Variants in NAV2 observed in about 807,000 individuals in gnomAD.
The protein encoded by NAV2 is neuron navigator 2.
A neutral mutation model predicts 223.2 loss-of-function variants in NAV2; 54 were observed. That is an observed-to-expected ratio of 0.24 (90% CI 0.19 to 0.30). NAV2 has a LOEUF of 0.30. Among genes scored for constraint, NAV2 ranks in the 10% least tolerant of loss-of-function variants. The pLI, the probability that NAV2 is intolerant of heterozygous loss-of-function variation, is 1.00. For missense variants in NAV2, 2,806 were observed against 3,147.5 expected, an observed-to-expected ratio of 0.89 and a Z score of 2.60; for synonymous variants, 1,279 against 1,239.3, an observed-to-expected ratio of 1.03 and a Z score of -0.67.
chr11:19,687,086 ACT>A (rs1164967557), intron 1 of NAV2, among the ~76,000 whole-genome samples: 1 of 152,084 alleles, frequency 6.6e-6, no homozygotes, highest in Non-Finnish European at 1.5e-5. Flanking sequence ...GGACCTGCTG[ACT>A]CTGTTATTCT....
chr11:20,082,914 G>A lies in NAV2; in HGVS notation c.5326-93G>A, dbSNP rs182685702. On this transcript the variant is annotated intron_variant, in intron 25 of 37. Transcript: ENST00000349880. ...CATTGGTGGGGGGAAAAACATGGGAGAATTAATCGCTTTTTTGTGTGCATG... is the reference window on the plus strand; with the variant it reads ...CATTGGTGGGGGGAAAAACATGGGAAAATTAATCGCTTTTTTGTGTGCATG... The A allele has an allele frequency of 7.2e-5, 87 of 1,213,750 alleles. No individual in the cohort carries two copies. The Middle Eastern group carries it at 1.6e-3, about 23-fold the overall frequency. The allele number at this position is 1,213,750 out of a possible 1,614,324, so 75.2% of individuals were successfully genotyped here.
intron 1 of NAV2, among the ~76,000 whole-genome samples, chr11:19,677,474 C>G (rs1157615829): frequency 1.3e-5 from 2 of 152,250 alleles, no homozygotes; most frequent in Non-Finnish European, 2.9e-5. Flanking sequence ...CCTCATTTTA[C>G]AGAGGAGGAG....
At chr11:19,971,177 C>T (rs1017678974) in intron 10 of NAV2, among the ~76,000 whole-genome samples, 4 of 151,986 alleles carry the variant, frequency 2.6e-5, no homozygotes, top group East Asian at 1.9e-4. Context: ...CCCACAGGCA[C>T]GTTTTTGAGT....
In NAV2 at chr11:19,948,871, G is replaced by A; in HGVS notation, c.2436G>A (p.Arg812=). The change falls in exon 10 of 38, where the codon AGG becomes AGA. Residue 812 remains arginine, a synonymous_variant. Coordinates refer to ENST00000349880, the MANE Select transcript of NAV2 (RefSeq NM_145117.5). ...NGYPPRANAS[R]FINTESGRYV... ...ATCCCCCTCGAGCCAACGCCAGCAG[G>A]TTCATCAACACTGAGTCAGGTCGCT... 1 of 1,614,078 alleles carries A rather than the reference G, an allele frequency of 6.2e-7. No homozygotes were observed. Among genetic ancestry groups the A allele is most frequent in the South Asian group, 1.1e-5 (1 of 91,082 alleles).
intron 1 of NAV2, among the ~76,000 whole-genome samples, chr11:19,645,820 C>T (rs186248469): frequency 2.5e-4 from 38 of 152,148 alleles, no homozygotes; most frequent in Admixed American, 2.2e-3. Context: ...ATCACCACAA[C>T]GCTGGTTGGA....
At chr11:19,729,389 G>T (rs2051539747) in intron 1 of NAV2, among the ~76,000 whole-genome samples, 1 of 152,178 alleles carries the variant, frequency 6.6e-6, no homozygotes, top group African/African-American at 2.4e-5. Context: ...ATTGGCAGGA[G>T]ATGCCAGGTT....
intron 10 of NAV2, among the ~76,000 whole-genome samples, chr11:19,970,092 T>A (rs898017499): frequency 6.6e-6 from 1 of 152,228 alleles, no homozygotes; most frequent in Non-Finnish European, 1.5e-5. Context: ...ACTCACCCAA[T>A]GTGAGACCAC....
At chr11:19,906,903 C>A (rs759420088) in intron 6 of NAV2, among the ~76,000 whole-genome samples, 1 of 152,176 alleles carries the variant, frequency 6.6e-6, no homozygotes. Flanking sequence ...TTTCCCACAC[C>A]AACTGGCAAA....
At chr11:19,631,714 G>A (rs2047352042) in intron 1 of NAV2, among the ~76,000 whole-genome samples, 1 of 152,200 alleles carries the variant, frequency 6.6e-6, no homozygotes, top group Admixed American at 6.5e-5. Flanking sequence ...GCACCTAGAA[G>A]GCACCCTCTG....
At chr11:19,794,698 G>C (rs1299922696) in intron 1 of NAV2, among the ~76,000 whole-genome samples, 2 of 152,112 alleles carry the variant, frequency 1.3e-5, no homozygotes, top group African/African-American at 2.4e-5. Flanking sequence ...ATGGGTTTAG[G>C]GGGAGGGACC....
intron 1 of NAV2, among the ~76,000 whole-genome samples, chr11:19,632,048 C>T (rs554649588): frequency 6.6e-6 from 1 of 152,248 alleles, no homozygotes; most frequent in Non-Finnish European, 1.5e-5. Flanking sequence ...GGGAACATGC[C>T]TGTTGGCAGG....
At position 20,048,968 on chromosome 11, in the gene NAV2, C is replaced by T. The variant is rs2057722235; in HGVS notation, c.4143C>T (p.Ser1381=). The change falls in exon 15 of 38, where the codon AGC becomes AGT. Residue 1381 remains serine, a synonymous_variant. Transcript: ENST00000349880. ...CAGCCCACTCGGCCCCTTCCAACAG[C>T]CTCACCTGGGGCACCAACGCCAGCA... ...PSSAHSAPSN[S]LTWGTNASSS... The T allele has an allele frequency of 1.2e-6, 2 of 1,614,074 alleles. No homozygotes were observed. Among genetic ancestry groups the T allele is most frequent in the Non-Finnish European group, 1.7e-6 (2 of 1,180,044 alleles).
chr11:19,933,923 C>G lies in NAV2; in HGVS notation c.1679C>G (p.Ser560Cys). 1.3e-6 allele frequency: 2 copies of G among 1,589,314 alleles called. No individual in the cohort carries two copies. The highest frequency in any genetic ancestry group is 1.7e-6 in the Non-Finnish European group (2 of 1,170,780). Residue 560 changes from serine to cysteine, a missense_variant, in exon 7 of 38, where the codon TCC becomes TGC. Ser to Cys is a moderately radical substitution (Grantham distance 112, BLOSUM62 -1). Transcript: ENST00000349880. This position sits in a 1 kb window ranked among gnomAD's most constrained non-coding sequence, Gnocchi z 4.3. ...GCCAAGAAGGAGCCCATGGCCCCTT[C>G]CCACAGTGGAATACCAAAACCAGGA... The part of the protein sequence containing the change: ...NSAKKEPMAP[S>C]HSGIPKPGMK...
chr11:19,470,581 A>G (rs2041932790), intron 1 of NAV2, among the ~76,000 whole-genome samples: 1 of 152,192 alleles, frequency 6.6e-6, no homozygotes. Context: ...TTCCCATGAC[A>G]ATGACAATAA....
chr11:20,050,591 A>C (rs965905291), intron 16 of NAV2, among the ~76,000 whole-genome samples: 2 of 151,002 alleles, frequency 1.3e-5, no homozygotes, highest in Non-Finnish European at 1.5e-5. Flanking sequence ...AAAAAAAAAA[A>C]CCTTCACCCC....
chr11:19,966,890 T>C (rs1476409386), intron 10 of NAV2, among the ~76,000 whole-genome samples: 1 of 152,148 alleles, frequency 6.6e-6, no homozygotes, highest in Non-Finnish European at 1.5e-5. Flanking sequence ...CTACCAGACC[T>C]GTTGTGTATG....
chr11:19,687,953 G>T (rs181296733), intron 1 of NAV2, among the ~76,000 whole-genome samples: 96 of 152,296 alleles, frequency 6.3e-4, no homozygotes, highest in Non-Finnish European at 7.1e-4. Flanking sequence ...GAGCCCCTGT[G>T]CCCTAGCGCT....
chr11:19,571,001 GTGTTCA>G (rs1381064738), intron 1 of NAV2, among the ~76,000 whole-genome samples: 4 of 152,214 alleles, frequency 2.6e-5, no homozygotes, highest in Non-Finnish European at 5.9e-5. Flanking sequence ...CATAGCAGCA[GTGTTCA>G]TTATAGCCAA....
Position 19,353,020 on chromosome 11 carries a change from C to T in NAV2, c.75+1993C>T, listed in dbSNP as rs542621116. Among the ~76,000 whole-genome samples the T allele has an allele frequency of 3.9e-5, 6 of 152,290 alleles. No individual in the cohort carries two copies. In the South Asian group the frequency reaches 1.2e-3, roughly 32 times the overall value. ...TCTTGTCCACGAAGCTGAAAGGCGACTCTACAGTGTTTTGGCTCATATACC... is the reference window on the plus strand; with the variant it reads ...TCTTGTCCACGAAGCTGAAAGGCGATTCTACAGTGTTTTGGCTCATATACC... On this transcript the variant is annotated intron_variant, in intron 1 of 37. Coordinates refer to the NAV2 transcript ENST00000360655.
Sources: allele counts gnomAD v4.1 joint callset (sites outside exome capture counted in the v4.1 genomes callset), GRCh38; gene constraint gnomAD v4.1.1; non-coding constraint Gnocchi (gnomAD v3.1); transcripts MANE v1.5; gene names NCBI Gene and HGNC (gene_info 2026-07-23, HGNC 2026-07-21).